ARHGAP11A: variants seen among roughly 807,000 people sequenced by gnomAD.
ARHGAP11A encodes Rho GTPase activating protein 11A, also known as rho GTPase-activating protein 11A.
A neutral mutation model predicts 60.5 loss-of-function variants in ARHGAP11A; 36 were observed. The ratio of observed to expected loss-of-function variants is 0.59; its 90% confidence interval spans 0.46 to 0.79. The LOEUF is 0.79. Among genes scored for constraint, ARHGAP11A ranks in the 30% least tolerant of loss-of-function variants. The probability of loss-of-function intolerance (pLI) is 0.00; values close to 1 mark genes in which losing one functional copy is unlikely to be tolerated. For synonymous variants in ARHGAP11A, 362 were observed against 415.5 expected, an observed-to-expected ratio of 0.87 and a Z score of 1.57; for missense variants, 1,071 against 1,199.2, an observed-to-expected ratio of 0.89 and a Z score of 1.58.
chr15:32,627,597 C>T (rs1439679112), intron 6 of ARHGAP11A, among the ~76,000 whole-genome samples: 4 of 151,898 alleles, frequency 2.6e-5, no homozygotes, highest in Admixed American at 6.6e-5. Context: ...GGCGTGGTGG[C>T]GGGCGCCTGT....
intron 6 of ARHGAP11A, among the ~76,000 whole-genome samples, chr15:32,627,812 T>TG (rs1491168071): frequency 4.2e-4 from 2 of 4,802 alleles, no homozygotes; most frequent in Non-Finnish European, 2.9e-3. Context: ...TAAGGCTCAC[T>TG]TTTTTTTTTT....
At position 32,637,087 on chromosome 15, in the gene ARHGAP11A, A is replaced by G. The variant is rs1328197031; in HGVS notation, c.2314A>G (p.Thr772Ala). Reference sequence around the variant, plus strand: ...CTCACAGCAGAGTACATGTGTTGTAACAAACTTGTCAAAACCTAGGCCTAT... The same window carrying G: ...CTCACAGCAGAGTACATGTGTTGTAGCAAACTTGTCAAAACCTAGGCCTAT... ...SFSQQSTCVV[T>A]NLSKPRPMRI... The change falls in exon 12 of 12, where the codon ACA becomes GCA. Residue 772 changes from threonine to alanine, a missense_variant. Physicochemically the swap from Thr to Ala is moderately conservative, Grantham distance 58 (BLOSUM62 0). Coordinates refer to ENST00000361627, the MANE Select transcript of ARHGAP11A (RefSeq NM_014783.6). 6.2e-7 allele frequency: 1 copy of G among 1,614,002 alleles called. No individual in the cohort carries two copies. The highest frequency in any genetic ancestry group is 8.5e-7 in the Non-Finnish European group (1 of 1,180,030).
Position 32,637,034 on chromosome 15 carries a change from A to G in ARHGAP11A, c.2261A>G (p.His754Arg). 6.2e-7 allele frequency: 1 copy of G among 1,613,960 alleles called. No homozygotes were observed. Among genetic ancestry groups the G allele is most frequent in the Non-Finnish European group, 8.5e-7 (1 of 1,180,006 alleles). The change falls in exon 12 of 12, where the codon CAT becomes CGT. Residue 754 changes from histidine to arginine, a missense_variant. Transcript: ENST00000361627. The stretch of plus-strand genomic sequence containing the variant: ...GGTAACTTACCGAAGTGTGCAGCAC[A>G]TAGCAAGGACGAGGCTAGATCCTCT... ...MEGNLPKCAA[H>R]SKDEARSSFS...
chr15:32,616,959 A>C (rs1452841926), intron 1 of ARHGAP11A, among the ~76,000 whole-genome samples: 1 of 152,158 alleles, frequency 6.6e-6, no homozygotes, highest in African/African-American at 2.4e-5. Context: ...TGGGACAGTA[A>C]ATTTTTTTTT....
At chr15:32,626,717 C>A (rs2053466581) in intron 6 of ARHGAP11A, among the ~76,000 whole-genome samples, 1 of 152,254 alleles carries the variant, frequency 6.6e-6, no homozygotes, top group Non-Finnish European at 1.5e-5. Context: ...ATGCCTGAAA[C>A]CTGCAGGGGA....
rs1490524959 is a variant in ARHGAP11A at position 32,629,750 on chromosome 15, A to C, written c.1093A>C (p.Thr365Pro). The change falls in exon 8 of 12, where the codon ACA becomes CCA. Residue 365 changes from threonine (T) to proline (P), a missense_variant. Transcript: ENST00000361627. Reference protein sequence around the residue: ...LPSNLFNSSSTPVSVHIDTSS... With the variant: ...LPSNLFNSSSPPVSVHIDTSS... Reference sequence around the variant, plus strand: ...AAGTAATCTCTTCAATAGCAGTTCTACACCGGTATCAGGTAGCAAATAGAA... The same window carrying C: ...AAGTAATCTCTTCAATAGCAGTTCTCCACCGGTATCAGGTAGCAAATAGAA... 3 of 1,607,998 alleles carry C rather than the reference A, an allele frequency of 1.9e-6. No individual in the cohort carries two copies. The highest frequency in any genetic ancestry group is 2.5e-6 in the Non-Finnish European group (3 of 1,178,168).
At chr15:32,634,148 G>C in intron 10 of ARHGAP11A, 107 bp downstream of exon 10, 1 of 732,592 alleles carries the variant, frequency 1.4e-6, no homozygotes, top group Non-Finnish European at 2.2e-6. Flanking sequence ...GTCTCATTCT[G>C]TTCTTTTTAT....
In ARHGAP11A at chr15:32,636,311, T is replaced by C. The variant is rs776655424; in HGVS notation, c.1538T>C (p.Val513Ala). 5.6e-6 allele frequency: 9 copies of C among 1,613,260 alleles called. No individual in the cohort carries two copies. The highest frequency in any genetic ancestry group is 1.6e-4 in the Middle Eastern group (1 of 6,072). The change falls in exon 12 of 12, where the codon GTT becomes GCT. Residue 513 changes from valine (V) to alanine (A), a missense_variant. Transcript: ENST00000361627. ...EETLLTPERL[V>A]GTNYRMSWTG... is the part of the protein sequence containing the mutation. ...ACCTTACTAACTCCAGAGCGACTAG[T>C]TGGAACAAATTACCGGATGTCTTGG... is the stretch of plus-strand genomic sequence containing the variant.
At chr15:32,624,128 A>G (rs766055320) in intron 3 of ARHGAP11A, 45 bp from the exon 4 acceptor site, 26 of 1,608,340 alleles carry the variant, frequency 1.6e-5, no homozygotes, top group Non-Finnish European at 2.1e-5. Flanking sequence ...TTTGCAATAA[A>G]CTCTTAAGTT....
At chr15:32,633,869 G>T (rs540448748) in intron 9 of ARHGAP11A, 64 bp from the exon 10 acceptor site, 4 of 957,178 alleles carry the variant, frequency 4.2e-6, no homozygotes, top group East Asian at 2.8e-5. Flanking sequence ...TTCAAATTTC[G>T]TATTTCAAGT....
chr15:32,619,371 G>A (rs2053242596), intron 1 of ARHGAP11A, among the ~76,000 whole-genome samples: 1 of 152,206 alleles, frequency 6.6e-6, no homozygotes, highest in Non-Finnish European at 1.5e-5. Flanking sequence ...AAAGATAGTG[G>A]CAGATTCTTT....
At position 32,625,475 on chromosome 15, in the gene ARHGAP11A, A is replaced by G. The variant is rs2053435979; in HGVS notation, c.716-12A>G. 1 of 1,612,954 alleles carries G rather than the reference A, an allele frequency of 6.2e-7. No homozygotes were observed. Among genetic ancestry groups the G allele is most frequent in the Admixed American group, 1.7e-5 (1 of 59,762 alleles). On this transcript the variant is annotated splice_polypyrimidine_tract_variant and intron_variant, in intron 5 of 11. Coordinates refer to ENST00000361627, the MANE Select transcript of ARHGAP11A (RefSeq NM_014783.6). The stretch of plus-strand genomic sequence containing the variant: ...GATAATAATTGTCTTACTTGTGAAC[A>G]TTTTCATTTAGGGCGTGTACCAGAT...
In ARHGAP11A at chr15:32,637,288, C is replaced by T. The variant is rs767940461; in HGVS notation, c.2515C>T (p.Arg839Cys). ...TCTTAAGTTTCAGCGTACTCCTGTT[C>T]GTCAGTCCGTCAGAAGAATTAATTC... ...SPLKFQRTPV[R>C]QSVRRINSLL... The change falls in exon 12 of 12, where the codon CGT becomes TGT. Residue 839 changes from arginine (R) to cysteine (C), a missense_variant. Physicochemically the swap from Arg to Cys is radical, Grantham distance 180. This residue lies in a region of ARHGAP11A where 776 missense variants were observed against 760.2 expected (regional missense o/e 1.02). Transcript: ENST00000361627. 28 of 1,613,992 alleles carry T rather than the reference C, an allele frequency of 1.7e-5. No homozygotes were observed. Among genetic ancestry groups the T allele is most frequent in the African/African-American group, 1.2e-4 (9 of 74,914 alleles).
chr15:32,630,863 C>G (rs2053568644), intron 8 of ARHGAP11A, among the ~76,000 whole-genome samples: 1 of 151,864 alleles, frequency 6.6e-6, no homozygotes, highest in Admixed American at 6.6e-5. Flanking sequence ...TAACATAGTT[C>G]AGTTGTTTTT....
chr15:32,619,784 C>A (rs2053251279), intron 1 of ARHGAP11A, among the ~76,000 whole-genome samples: 1 of 151,924 alleles, frequency 6.6e-6, no homozygotes, highest in South Asian at 2.1e-4. Flanking sequence ...GTGTTTTGGA[C>A]CAAATTCTGT....
chr15:32,624,202 A>G lies in ARHGAP11A; in HGVS notation c.327A>G (p.Leu109=), dbSNP rs145707437. ...KNKVDHGEGC[L]SSAPPCDIAG... is the part of the protein sequence containing the mutation. ...AAGTGGATCATGGTGAAGGTTGCCT[A>G]TCTTCTGCACCTCCTTGTGATATTG... The change falls in exon 4 of 12, where the codon CTA becomes CTG. Residue 109 remains leucine (L), a synonymous_variant. Coordinates refer to ENST00000361627, the MANE Select transcript of ARHGAP11A (RefSeq NM_014783.6). 3,429 of 1,612,284 alleles carry G rather than the reference A, an allele frequency of 2.1e-3. 4 individuals carry two copies. The highest frequency in any genetic ancestry group is 2.7e-3 in the Non-Finnish European group (3,186 of 1,178,782).
At position 32,636,270 on chromosome 15, in the gene ARHGAP11A, C is replaced by G. The variant is rs138580047; in HGVS notation, c.1497C>G (p.Ile499Met). The G allele has an allele frequency of 2.1e-5, 33 of 1,600,810 alleles. No individual in the cohort carries two copies. The East Asian group carries it at 6.3e-4, about 30-fold the overall frequency. ...EKLPKKGSEK[I>M]SKSEETLLTP... ...GCTTTATTTTAGGTTCAGAAAAGAT[C>G]AGTAAGTCTGAGGAAACCTTACTAA... is the stretch of plus-strand genomic sequence containing the variant. The change falls in exon 12 of 12, where the codon ATC becomes ATG. Residue 499 changes from isoleucine (I) to methionine (M), a missense_variant. By Grantham distance (10) the Ile-to-Met change is conservative. Around this residue, in one of 4 missense-constraint regions of ARHGAP11A, gnomAD observed 776 missense variants for 760.2 expected, o/e 1.02. Coordinates refer to ENST00000361627, the MANE Select transcript of ARHGAP11A (RefSeq NM_014783.6).
At chr15:32,626,781 T>C (rs2053468519) in intron 6 of ARHGAP11A, among the ~76,000 whole-genome samples, 1 of 152,260 alleles carries the variant, frequency 6.6e-6, no homozygotes, top group South Asian at 2.1e-4. Context: ...GTCCTTAGCA[T>C]TCCTTGGCTT....
intron 8 of ARHGAP11A, among the ~76,000 whole-genome samples, chr15:32,632,126 A>G (rs1231588033): frequency 6.6e-6 from 1 of 152,258 alleles, no homozygotes; most frequent in Non-Finnish European, 1.5e-5. Context: ...CATAATTGAA[A>G]AAATGTGAAT....
Sources: allele counts gnomAD v4.1 joint callset (sites outside exome capture counted in the v4.1 genomes callset), GRCh38; gene constraint gnomAD v4.1.1; regional missense constraint gnomAD v4.1.1; transcripts MANE v1.5; gene names NCBI Gene and HGNC (gene_info 2026-07-23, HGNC 2026-07-21).